UNC5D: variants seen among roughly 807,000 people sequenced by gnomAD.
UNC5D encodes unc-5 netrin receptor D.
A neutral mutation model predicts 105.4 loss-of-function variants in UNC5D; 39 were observed. The observed-to-expected ratio is 0.37, with a 90% CI of 0.29 to 0.48. UNC5D has a LOEUF of 0.48. Ranked by LOEUF, UNC5D falls within the 20% of genes least tolerant of loss-of-function variation. The pLI, the probability that UNC5D is intolerant of heterozygous loss-of-function variation, is 0.98. For missense variants in UNC5D, 991 were observed against 1,202.4 expected (o/e 0.82, Z 2.60); for synonymous variants, 452 against 450.4 (o/e 1.00, Z -0.04).
chr8:35,641,505 T>A (rs761526565), intron 4 of UNC5D, among the ~76,000 whole-genome samples: 1 of 152,054 alleles, frequency 6.6e-6, no homozygotes, highest in Admixed American at 6.6e-5. Context: ...ATTATCTTTC[T>A]CTTGGTGAGA....
chr8:35,652,915 ATT>A (rs34611902), intron 4 of UNC5D, among the ~76,000 whole-genome samples: 207 of 49,108 alleles, frequency 4.2e-3, no homozygotes, highest in African/African-American at 0.018. Context: ...ACAAGTGAGG[ATT>A]TTTTTTTTTT....
intron 14 of UNC5D, among the ~76,000 whole-genome samples, chr8:35,765,252 A>C (rs1801714340): frequency 6.6e-6 from 1 of 152,050 alleles, no homozygotes; most frequent in Non-Finnish European, 1.5e-5. Flanking sequence ...CCAGCAGGGG[A>C]GTCTATAAAA....
Position 35,271,740 on chromosome 8 carries a change from T to TATGTATACATGTATAC in UNC5D, c.103+35855_103+35856insGTATACATGTATACAT, listed in dbSNP as rs1563268469. On this transcript the variant is annotated intron_variant, in intron 1 of 16. Transcript: ENST00000404895. ...ATACATGTATACATGTATACATATA[T>TATGTATACATGTATAC]ATTTATACATGTATACATGTATACA... Among the ~76,000 whole-genome samples the TATGTATACATGTATAC allele has an allele frequency of 2.4e-4, 31 of 127,570 alleles. 3 individuals are homozygous for TATGTATACATGTATAC. The highest frequency in any genetic ancestry group is 5.1e-4 in the African/African-American group (17 of 33,266). The allele number at this position is 127,570 out of a possible 152,430, so 83.7% of individuals were successfully genotyped here.
rs112729945 is a variant in UNC5D, at chr8:35,336,006, G to A, written c.103+100119G>A. On this transcript the variant is annotated intron_variant, in intron 1 of 16. Transcript: ENST00000404895. ...TGTCGATCTCCTGACCTCGTGATCC[G>A]CCTGCATTAGCCTCCCAAAGTGTTG... 5.3e-4 allele frequency among the ~76,000 whole-genome samples: 81 copies of A among 151,760 alleles called. 1 individual carries two copies. The highest frequency in any genetic ancestry group is 1.8e-3 in the African/African-American group (75 of 41,336).
intron 4 of UNC5D, among the ~76,000 whole-genome samples, chr8:35,636,157 G>T (rs59132862): frequency 0.066 from 10,098 of 152,268 alleles, 458 homozygotes; most frequent in South Asian, 0.14. Flanking sequence ...AGGAGGTACT[G>T]ATTTTCTTCT....
At chr8:35,254,370 T>C (rs2128814790) in intron 1 of UNC5D, 1 of 152,340 alleles carries the variant, frequency 6.6e-6, no homozygotes, top group South Asian at 2.1e-4. Flanking sequence ...TGTTTTTGCA[T>C]CACTGTCTCT....
chr8:35,320,673 C>T (rs1440058497), intron 1 of UNC5D, among the ~76,000 whole-genome samples: 1 of 152,126 alleles, frequency 6.6e-6, no homozygotes, highest in Admixed American at 6.6e-5. Flanking sequence ...TCTGTTTTGT[C>T]AGCCTTAAGA....
intron 1 of UNC5D, among the ~76,000 whole-genome samples, chr8:35,275,874 T>A (rs1403401951): frequency 6.6e-6 from 1 of 152,208 alleles, no homozygotes; most frequent in Non-Finnish European, 1.5e-5. Flanking sequence ...TTTTTTCTCA[T>A]CACACCAAGA....
chr8:35,395,199 A>G (rs62505485), intron 1 of UNC5D, among the ~76,000 whole-genome samples: 1 of 152,136 alleles, frequency 6.6e-6, no homozygotes, highest in African/African-American at 2.4e-5. Flanking sequence ...TTATTTTCCA[A>G]TGTTCACATC....
intron 3 of UNC5D, among the ~76,000 whole-genome samples, chr8:35,587,249 C>T (rs1013579986): frequency 6.6e-6 from 1 of 152,038 alleles, no homozygotes; most frequent in Non-Finnish European, 1.5e-5. Flanking sequence ...GAGTGCTGCT[C>T]CAAATTGATC....
At chr8:35,631,237 C>T (rs1009895081) in intron 4 of UNC5D, among the ~76,000 whole-genome samples, 1 of 152,020 alleles carries the variant, frequency 6.6e-6, no homozygotes, top group Non-Finnish European at 1.5e-5. Context: ...TGGCTTCAAC[C>T]CAGGAGGCGG....
intron 4 of UNC5D, among the ~76,000 whole-genome samples, chr8:35,605,208 A>G (rs1316958316): frequency 6.6e-6 from 1 of 152,198 alleles, no homozygotes; most frequent in South Asian, 2.1e-4. Flanking sequence ...ATGGTGATGT[A>G]CAGATGGGTT....
intron 1 of UNC5D, among the ~76,000 whole-genome samples, chr8:35,372,589 C>T (rs1388406774): frequency 6.7e-6 from 1 of 150,214 alleles, no homozygotes; most frequent in East Asian, 1.9e-4. Flanking sequence ...AGGCCAAATG[C>T]TCTAATATTT....
chr8:35,237,728 C>T (rs966270897), intron 1 of UNC5D, among the ~76,000 whole-genome samples: 12 of 152,150 alleles, frequency 7.9e-5, no homozygotes, highest in African/African-American at 2.9e-4. Context: ...GGAGTGGAGC[C>T]GTAAATCTGA....
chr8:35,439,527 C>T (rs1807256715), intron 1 of UNC5D, among the ~76,000 whole-genome samples: 1 of 151,980 alleles, frequency 6.6e-6, no homozygotes, highest in Middle Eastern at 3.2e-3. Flanking sequence ...TTAAGAACAC[C>T]GTGTTTGTGA....
At chr8:35,279,870 C>T (rs750554477) in intron 1 of UNC5D, among the ~76,000 whole-genome samples, 5 of 152,190 alleles carry the variant, frequency 3.3e-5, no homozygotes, top group Non-Finnish European at 7.3e-5. Context: ...TAGACTTGGC[C>T]TTGTATAATC....
intron 1 of UNC5D, among the ~76,000 whole-genome samples, chr8:35,468,764 A>G (rs1223363934): frequency 1.3e-5 from 2 of 152,194 alleles, no homozygotes; most frequent in Non-Finnish European, 1.5e-5. Flanking sequence ...TCATTCCTGA[A>G]TAGCAATACA....
At chr8:35,391,781 G>T (rs1803792122) in intron 1 of UNC5D, among the ~76,000 whole-genome samples, 1 of 152,172 alleles carries the variant, frequency 6.6e-6, no homozygotes, top group Admixed American at 6.5e-5. Context: ...ATTAGAACTG[G>T]CAGTTCTTGG....
At chr8:35,560,881 T>C (rs1816906569) in intron 2 of UNC5D, among the ~76,000 whole-genome samples, 1 of 152,202 alleles carries the variant, frequency 6.6e-6, no homozygotes, top group African/African-American at 2.4e-5. Flanking sequence ...AAATCTTGAC[T>C]TCAGCATTTT....
Sources: allele counts gnomAD v4.1 joint callset (sites outside exome capture counted in the v4.1 genomes callset), GRCh38; gene constraint gnomAD v4.1.1; transcripts MANE v1.5; gene names NCBI Gene and HGNC (gene_info 2026-07-23, HGNC 2026-07-21).